The following CSE1L variants were observed in gnomAD, a reference collection of about 807,000 sequenced individuals.
CSE1L encodes the protein exportin-2.
Under a neutral mutation model 120.4 loss-of-function variants are expected in CSE1L, and 24 were observed. The ratio of observed to expected loss-of-function variants is 0.20; its 90% CI spans 0.14 to 0.28. CSE1L has a LOEUF of 0.28. Ranked by LOEUF, CSE1L falls within the 10% of genes least tolerant of loss-of-function variation. The pLI, the probability that CSE1L is intolerant of heterozygous loss-of-function variation, is 1.00. For missense variants in CSE1L, 830 were observed against 1,145.2 expected (o/e 0.72, Z 3.97); for synonymous variants, 402 against 398.3 (o/e 1.01, Z -0.11).
At chr20:49,054,599 G>A (rs1020748130) in intron 1 of CSE1L, among the ~76,000 whole-genome samples, 1 of 152,180 alleles carries the variant, frequency 6.6e-6, no homozygotes, top group Non-Finnish European at 1.5e-5. Flanking sequence ...AAATCATTGT[G>A]TGGAATAAAT....
At chr20:49,077,729 G>A (rs1298233456) in intron 13 of CSE1L, among the ~76,000 whole-genome samples, 2 of 152,118 alleles carry the variant, frequency 1.3e-5, no homozygotes, top group Non-Finnish European at 2.9e-5. Context: ...CTTTTGGCCG[G>A]GTGCGGTGGC....
intron 14 of CSE1L, among the ~76,000 whole-genome samples, chr20:49,082,768 G>A (rs985442713): frequency 3.9e-5 from 6 of 151,978 alleles, no homozygotes; most frequent in Non-Finnish European, 5.9e-5. Context: ...TGATCCGCCC[G>A]CCTTGGCCTC....
In CSE1L at chr20:49,094,957, A is replaced by G. The variant is rs758815136; in HGVS notation, c.2820A>G (p.Pro940=). The change falls in exon 24 of 25, where the codon CCA becomes CCG. Residue 940 remains proline (P), a synonymous_variant. Transcript: ENST00000262982. The stretch of plus-strand genomic sequence containing the variant: ...TTCACAAGTTGTCTACCGCCTGTCC[A>G]GGAAGGGTAAGTGTGTTGTCAAAGA... ...QSLHKLSTAC[P]GRVPSMVSTS... The G allele has an allele frequency of 4.3e-5, 70 of 1,613,528 alleles. No homozygotes were observed. The South Asian group carries it at 7.6e-4, about 17-fold the overall frequency.
chr20:49,088,987 G>A (rs2092081093), intron 17 of CSE1L, among the ~76,000 whole-genome samples: 1 of 152,140 alleles, frequency 6.6e-6, no homozygotes, highest in Non-Finnish European at 1.5e-5. Context: ...TCTTCTCTGC[G>A]AGGGCACGTG....
Position 49,089,721 on chromosome 20 carries a change from T to C in CSE1L, c.2156T>C (p.Ile719Thr). The C allele has an allele frequency of 1.2e-6, 2 of 1,614,160 alleles. No homozygotes were observed. Among genetic ancestry groups the C allele is most frequent in the East Asian group, 2.2e-5 (1 of 44,890 alleles). ...TTCTTAGAACGCGGTTCAAACACAA[T>C]AGCAAGTGCTGCAGCTGACAAAATT... is the stretch of plus-strand genomic sequence containing the variant. ...QAFLERGSNT[I>T]ASAAADKIPG... The change falls in exon 19 of 25, where the codon ATA becomes ACA. Residue 719 changes from isoleucine to threonine, a missense_variant. Ile to Thr is a moderately conservative substitution (Grantham distance 89). Around this residue, in one of 4 missense-constraint regions of CSE1L, gnomAD observed 168 missense variants for 267.9 expected, o/e 0.63. Coordinates refer to ENST00000262982, the MANE Select transcript of CSE1L (RefSeq NM_001316.4).
chr20:49,087,347 TTTTC>T (rs2092067396), intron 16 of CSE1L, among the ~76,000 whole-genome samples: 1 of 118,400 alleles, frequency 8.4e-6, no homozygotes, highest in African/African-American at 3.3e-5. Flanking sequence ...TTCTTTTTCT[TTTTC>T]TTTTTTTTTT....
At chr20:49,095,166 A>G (rs2092130342) in intron 24 of CSE1L, 2 of 679,276 alleles carry the variant, frequency 2.9e-6, no homozygotes, top group South Asian at 1.6e-5. Context: ...TTTTAAGTGA[A>G]TGGATTTAGG....
At chr20:49,077,701 G>T (rs889967740) in intron 13 of CSE1L, among the ~76,000 whole-genome samples, 1 of 152,058 alleles carries the variant, frequency 6.6e-6, no homozygotes, top group Admixed American at 6.6e-5. Context: ...CTAGAAAATT[G>T]ATAAATATTA....
At chr20:49,072,245 T>C (rs1220114059) in intron 8 of CSE1L, 41 bp from the exon 9 acceptor site, 1 of 1,601,492 alleles carries the variant, frequency 6.2e-7, no homozygotes, top group Non-Finnish European at 8.5e-7. Flanking sequence ...TATGTTAGCA[T>C]TAGAGTTGTA....
At chr20:49,048,271 T>G (rs2091737841) in intron 1 of CSE1L, among the ~76,000 whole-genome samples, 1 of 152,090 alleles carries the variant, frequency 6.6e-6, no homozygotes, top group African/African-American at 2.4e-5. Context: ...CCCTTCTGAT[T>G]ACTTCTGCTG....
chr20:49,095,905 A>C (rs1371248376), intron 24 of CSE1L, among the ~76,000 whole-genome samples: 5 of 152,104 alleles, frequency 3.3e-5, no homozygotes, highest in Non-Finnish European at 5.9e-5. Context: ...ATATGTATAT[A>C]TATTTTTTCA....
chr20:49,074,582 T>C (rs967970396), intron 10 of CSE1L, among the ~76,000 whole-genome samples: 1 of 152,166 alleles, frequency 6.6e-6, no homozygotes, highest in Admixed American at 6.5e-5. Context: ...TATCTCATAG[T>C]TGTGTGAATT....
intron 6 of CSE1L, among the ~76,000 whole-genome samples, chr20:49,068,194 G>A (rs958189372): frequency 5.3e-5 from 8 of 152,092 alleles, no homozygotes; most frequent in South Asian, 4.1e-4. Context: ...TTGGGAAGAC[G>A]TAGTTCAGAA....
chr20:49,080,563 G>A (rs983985896), intron 14 of CSE1L, among the ~76,000 whole-genome samples: 6 of 152,104 alleles, frequency 3.9e-5, no homozygotes, highest in African/African-American at 1.4e-4. Flanking sequence ...CGCAACATGC[G>A]TCTCCCGAGT....
At chr20:49,057,893 A>G (rs1233513374) in intron 1 of CSE1L, among the ~76,000 whole-genome samples, 1 of 152,078 alleles carries the variant, frequency 6.6e-6, no homozygotes, top group African/African-American at 2.4e-5. Flanking sequence ...CAGCCTCCCA[A>G]AGTGCTGGGA....
In CSE1L at chr20:49,094,949, G is replaced by A. The variant is rs781098999; in HGVS notation, c.2812G>A (p.Ala938Thr). 53 of 1,613,734 alleles carry A rather than the reference G, an allele frequency of 3.3e-5. No homozygotes were observed. The highest frequency in any genetic ancestry group is 6.7e-5 in the East Asian group (3 of 44,888). Residue 938 changes from alanine (A) to threonine (T), a missense_variant, in exon 24 of 25, where the codon GCC (alanine) becomes ACC (threonine). Transcript: ENST00000262982. Reference sequence around the variant, plus strand: ...ACAGTCACTTCACAAGTTGTCTACCGCCTGTCCAGGAAGGGTAAGTGTGTT... The same window carrying A: ...ACAGTCACTTCACAAGTTGTCTACCACCTGTCCAGGAAGGGTAAGTGTGTT... ...LAQSLHKLST[A>T]CPGRVPSMVS... is the part of the protein sequence containing the mutation.
chr20:49,087,929 C>A (rs971890395), intron 16 of CSE1L, 80 bp from the exon 17 acceptor site: 3 of 865,644 alleles, frequency 3.5e-6, no homozygotes, highest in Non-Finnish European at 1.8e-6. Context: ...TGAATTAGTG[C>A]GCTTTTTTCC....
Position 49,092,102 on chromosome 20 carries a change from G to A in CSE1L, c.2422G>A (p.Glu808Lys). The change falls in exon 22 of 25, where the codon GAA (glutamate) becomes AAA (lysine). Residue 808 changes from glutamate to lysine, a missense_variant. Glu to Lys is a moderately conservative substitution (Grantham distance 56). This residue lies in a region of CSE1L where 112 missense variants were observed against 200.0 expected (regional missense o/e 0.56). Coordinates refer to ENST00000262982, the MANE Select transcript of CSE1L (RefSeq NM_001316.4). ...AAAATATGGGGCACTAGCACTACAAGAAATATTTGATGGTATACAACCAAA... is the reference window on the plus strand; with the variant it reads ...AAAATATGGGGCACTAGCACTACAAAAAATATTTGATGGTATACAACCAAA... ...CIKYGALALQ[E>K]IFDGIQPKMF... 6.4e-7 allele frequency: 1 copy of A among 1,572,350 alleles called. No homozygotes were observed.
Position 49,066,250 on chromosome 20 carries a change from T to C in CSE1L, c.287T>C (p.Ile96Thr), listed in dbSNP as rs769571209. 6.2e-7 allele frequency: 1 copy of C among 1,614,210 alleles called. No homozygotes were observed. The highest frequency in any genetic ancestry group is 1.7e-5 in the Admixed American group (1 of 60,016). ...GATCGAGTGGCCATTAAAGCCAACA[T>C]AGTGCACTTGATGCTTAGCAGCCCA... ...EADRVAIKAN[I>T]VHLMLSSPEQ... The change falls in exon 4 of 25, where the codon ATA (isoleucine) becomes ACA (threonine). Residue 96 changes from isoleucine to threonine, a missense_variant. By Grantham distance (89) the Ile-to-Thr change is moderately conservative (BLOSUM62 -1). Coordinates refer to ENST00000262982, the MANE Select transcript of CSE1L (RefSeq NM_001316.4).
Sources: gnomAD v4.1 joint callset for allele counts (sites outside exome capture counted in the v4.1 genomes callset) on GRCh38, gnomAD v4.1.1 for gene constraint, gnomAD v4.1.1 regional missense constraint, MANE v1.5 for transcripts, NCBI Gene and HGNC (gene_info 2026-07-23, HGNC 2026-07-21) for gene names.